HTR3B: variants seen among roughly 807,000 people sequenced by gnomAD.
HTR3B encodes the protein 5-hydroxytryptamine receptor 3B.
Under a neutral mutation model 42.8 loss-of-function variants are expected in HTR3B, and 44 were observed. The observed-to-expected ratio is 1.03, with a 90% CI of 0.81 to 1.32. The LOEUF (loss-of-function observed/expected upper bound fraction) is 1.32, where lower values mean the gene tolerates loss of function less well. Among genes scored for constraint, HTR3B ranks in the 40% most tolerant of loss-of-function variants. The pLI, the probability that HTR3B is intolerant of heterozygous loss-of-function variation, is 0.00. For missense variants in HTR3B, 527 were observed against 536.5 expected (o/e 0.98, Z 0.17); for synonymous variants, 203 against 209.0 (o/e 0.97, Z 0.25).
rs1263385030 is a variant in HTR3B, at chr11:113,946,173, T to A, written c.*36T>A. The A allele has an allele frequency of 6.6e-7, 1 of 1,510,782 alleles. No homozygotes were observed. Among genetic ancestry groups the A allele is most frequent in the African/African-American group, 1.4e-5 (1 of 72,868 alleles). 93.6% of individuals were successfully genotyped at this position (1,510,782 alleles called of 1,614,324 possible). On this transcript the variant is annotated 3_prime_UTR_variant, in exon 9 of 9. Coordinates refer to ENST00000260191, the MANE Select transcript of HTR3B (RefSeq NM_006028.5). ...GTTCTTCAGTAATTGTGCTGGCACT[T>A]AGGAGAGAGAGGAGGGGGAATAATA...
chr11:113,930,150 A>C lies in HTR3B; in HGVS notation c.214-1234A>C, dbSNP rs1274829357. 2.0e-5 allele frequency among the ~76,000 whole-genome samples: 3 copies of C among 152,136 alleles called. No homozygotes were observed. The South Asian group carries it at 6.2e-4, about 31-fold the overall frequency. The stretch of plus-strand genomic sequence containing the variant: ...ATGTGATTTGCAAATATTTTCTCCC[A>C]TTCTGTGGGTTGTCTTTTTCATTTC... On this transcript the variant is annotated intron_variant, in intron 2 of 8. Transcript: ENST00000260191.
chr11:113,899,641 G>C, the HTR3B span, among the ~76,000 whole-genome samples: 732 of 152,292 alleles, frequency 4.8e-3, 8 homozygotes, highest in African/African-American at 0.017. Flanking sequence ...TGGTATAGCA[G>C]TAATTAAAAA....
chr11:113,901,792 G>C (rs1045221654), upstream of HTR3B, among the ~76,000 whole-genome samples: 1 of 152,182 alleles, frequency 6.6e-6, no homozygotes, highest in African/African-American at 2.4e-5. Flanking sequence ...AGGGAAGCAC[G>C]TCCCCAGAAG....
chr11:113,912,047 A>T (rs2137490077), intron 2 of HTR3B, among the ~76,000 whole-genome samples: 1 of 152,216 alleles, frequency 6.6e-6, no homozygotes, highest in Non-Finnish European at 1.5e-5. Context: ...TTTGAGATTC[A>T]CTTATGTTGC....
intron 2 of HTR3B, among the ~76,000 whole-genome samples, chr11:113,930,487 C>CTTT (rs528919776): frequency 9.8e-5 from 12 of 121,928 alleles, no homozygotes; most frequent in African/African-American, 1.6e-4. Context: ...TTTCTTTTCT[C>CTTT]TTTTTTTTTT....
At chr11:113,915,934 G>C (rs1220512033) in intron 2 of HTR3B, among the ~76,000 whole-genome samples, 1 of 152,148 alleles carries the variant, frequency 6.6e-6, no homozygotes. Flanking sequence ...TGCCTCCTGG[G>C]TTCAAGTGGT....
chr11:113,917,746 A>G (rs1949870543), intron 2 of HTR3B, among the ~76,000 whole-genome samples: 1 of 152,018 alleles, frequency 6.6e-6, no homozygotes, highest in Non-Finnish European at 1.5e-5. Flanking sequence ...CTGGGACTAC[A>G]GGCACATGCC....
At chr11:113,913,136 A>G (rs1949813602) in intron 2 of HTR3B, among the ~76,000 whole-genome samples, 1 of 150,590 alleles carries the variant, frequency 6.6e-6, no homozygotes, top group Non-Finnish European at 1.5e-5. Context: ...AAATTTTCAA[A>G]TTTGCTGACA....
intron 6 of HTR3B, among the ~76,000 whole-genome samples, chr11:113,941,163 T>A (rs781096601): frequency 2.6e-5 from 4 of 152,234 alleles, no homozygotes; most frequent in Non-Finnish European, 4.4e-5. Flanking sequence ...GTTTGGTGAA[T>A]CAGAGAAACG....
chr11:113,945,678 C>T (rs1427698359), intron 8 of HTR3B, among the ~76,000 whole-genome samples: 1 of 152,236 alleles, frequency 6.6e-6, no homozygotes, highest in African/African-American at 2.4e-5. Context: ...AGCACACATA[C>T]ACCCTGCTTA....
chr11:113,911,866 C>T (rs145945277), intron 2 of HTR3B, among the ~76,000 whole-genome samples: 5 of 152,180 alleles, frequency 3.3e-5, no homozygotes, highest in East Asian at 1.9e-4. Context: ...CAAAGATCCC[C>T]GAAAAGGTCC....
Position 113,904,982 on chromosome 11 carries a change from G to A in HTR3B, c.49G>A (p.Ala17Thr). The A allele has an allele frequency of 6.2e-7, 1 of 1,609,534 alleles. No individual in the cohort carries two copies. Among genetic ancestry groups the A allele is most frequent in the Non-Finnish European group, 8.5e-7 (1 of 1,175,912 alleles). The change falls in exon 1 of 9, where the codon GCA (alanine) becomes ACA (threonine). Residue 17 changes from alanine to threonine, a missense_variant. Ala to Thr is a moderately conservative substitution (Grantham distance 58, BLOSUM62 0). Transcript: ENST00000260191. ...APLWACILVA[A>T]GILATDTHHP... ...CCTGTGGGCCTGCATCCTGGTGGCT[G>A]CAGGTGAGTCCTTTTAATAATTTTA... is the stretch of plus-strand genomic sequence containing the variant.
Position 113,944,744 on chromosome 11 carries a change from C to T in HTR3B, c.1079C>T (p.Ala360Val). ...RPRVEPRAQR[A>V]VVTESSLYGE... ...AGAGTGGAACCCAGGGCCCAACGTG[C>T]TGTGGTAACAGGTGTGTGAGAAGCC... Residue 360 changes from alanine (A) to valine (V), a missense_variant, in exon 8 of 9, where the codon GCT becomes GTT. Transcript: ENST00000260191. The T allele has an allele frequency of 6.2e-7, 1 of 1,613,970 alleles. No homozygotes were observed. Among genetic ancestry groups the T allele is most frequent in the Non-Finnish European group, 8.5e-7 (1 of 1,179,890 alleles).
intron 2 of HTR3B, among the ~76,000 whole-genome samples, chr11:113,927,826 G>A (rs1387320792): frequency 6.6e-6 from 1 of 152,042 alleles, no homozygotes; most frequent in Non-Finnish European, 1.5e-5. Context: ...CCAAAGTGCT[G>A]GGATTACAAG....
At chr11:113,935,185 T>C (rs1168454535) in intron 6 of HTR3B, among the ~76,000 whole-genome samples, 1 of 140,820 alleles carries the variant, frequency 7.1e-6, no homozygotes, top group East Asian at 2.1e-4. Flanking sequence ...TTAATTATGA[T>C]GAACAGAGAC....
intron 7 of HTR3B, 125 bp from the exon 8 acceptor site, chr11:113,944,447 GC>G (rs1406176887): frequency 2.5e-6 from 2 of 804,498 alleles, no homozygotes; most frequent in Non-Finnish European, 4.0e-6. Context: ...GCTACAGTGA[GC>G]CATGATTGCA....
rs1052971055 is a variant in HTR3B, at chr11:113,948,249, C to T, written c.*2112C>T. ...CATCACGGTCCTGATGTCACCTTAG[C>T]TTGCCATCCATGTCGATTCTGGCTT... On this transcript the variant is annotated 3_prime_UTR_variant, in exon 9 of 9. Coordinates refer to ENST00000260191, the MANE Select transcript of HTR3B (RefSeq NM_006028.5). Among the ~76,000 whole-genome samples, 6 of 152,184 alleles carry T rather than the reference C, an allele frequency of 3.9e-5. No homozygotes were observed. The highest frequency in any genetic ancestry group is 3.3e-4 in the Admixed American group (5 of 15,286).
intron 2 of HTR3B, among the ~76,000 whole-genome samples, chr11:113,914,433 C>T (rs1949831832): frequency 6.6e-6 from 1 of 150,656 alleles, no homozygotes; most frequent in African/African-American, 2.4e-5. Flanking sequence ...CATTGCACTC[C>T]AGCCTAGGCA....
intron 2 of HTR3B, among the ~76,000 whole-genome samples, chr11:113,919,338 A>C (rs987150599): frequency 6.6e-6 from 1 of 152,222 alleles, no homozygotes; most frequent in Non-Finnish European, 1.5e-5. Flanking sequence ...ATTTACATAC[A>C]AAATATACCC....
Sources: gnomAD v4.1 joint callset for allele counts (sites outside exome capture counted in the v4.1 genomes callset) on GRCh38, gnomAD v4.1.1 for gene constraint, MANE v1.5 for transcripts, NCBI Gene and HGNC (gene_info 2026-07-23, HGNC 2026-07-21) for gene names.